The following LIPG variants were observed in gnomAD, a reference collection of about 807,000 sequenced individuals.
The protein encoded by LIPG is endothelial lipase.
Under a neutral mutation model 51.8 loss-of-function variants are expected in LIPG, and 34 were observed. The observed-to-expected ratio is 0.66, with a 90% CI of 0.50 to 0.87. The LOEUF (loss-of-function observed/expected upper bound fraction) is 0.87, where lower values mean the gene tolerates loss of function less well. Ranked by LOEUF, LIPG falls within the 40% of genes least tolerant of loss-of-function variation. The probability of loss-of-function intolerance (pLI) is 0.00; values close to 1 mark genes in which losing one functional copy is unlikely to be tolerated. For missense variants in LIPG, 580 were observed against 652.7 expected (o/e 0.89, Z 1.21); for synonymous variants, 246 against 246.1 (o/e 1.00, Z 0.00).
Position 49,581,469 on chromosome 18 carries a change from A to C in LIPG, c.848A>C (p.Asp283Ala), listed in dbSNP as rs1568534352. The C allele has an allele frequency of 6.2e-7, 1 of 1,613,956 alleles. No individual in the cohort carries two copies. The highest frequency in any genetic ancestry group is 8.5e-7 in the Non-Finnish European group (1 of 1,179,990). ...GAGCGAGCCGTCCACCTCTTTGTTG[A>C]CTCTCTGGTGAATCAGGACAAGCCG... ...EHERAVHLFV[D>A]SLVNQDKPSF... Residue 283 changes from aspartate to alanine, a missense_variant, in exon 6 of 10, where the codon GAC becomes GCC. Coordinates refer to ENST00000261292, the MANE Select transcript of LIPG (RefSeq NM_006033.4).
chr18:49,576,863 C>T (rs1448295525), intron 5 of LIPG, among the ~76,000 whole-genome samples: 3 of 152,202 alleles, frequency 2.0e-5, no homozygotes, highest in African/African-American at 7.2e-5. Flanking sequence ...CCCCCTGCCT[C>T]AGCCTCCCAA....
At chr18:49,572,758 C>T (rs955203799) in intron 4 of LIPG, among the ~76,000 whole-genome samples, 3 of 149,674 alleles carry the variant, frequency 2.0e-5, no homozygotes, top group African/African-American at 4.9e-5. Context: ...AAAAAGTAGC[C>T]GTTGAACTAC....
intron 5 of LIPG, among the ~76,000 whole-genome samples, chr18:49,576,603 T>A (rs1177861395): frequency 6.6e-6 from 1 of 151,838 alleles, no homozygotes; most frequent in African/African-American, 2.4e-5. Context: ...TAGCTGGGAT[T>A]ACAGGCCCCC....
chr18:49,583,514 C>T (rs552138141), intron 7 of LIPG, 42 bp from the exon 8 acceptor site: 3 of 1,571,364 alleles, frequency 1.9e-6, no homozygotes, highest in East Asian at 4.5e-5. Context: ...GGCAGTTTTC[C>T]AGCTGTTAGG....
At chr18:49,585,642 G>A (rs2084872694) in intron 8 of LIPG, among the ~76,000 whole-genome samples, 1 of 152,150 alleles carries the variant, frequency 6.6e-6, no homozygotes, top group Non-Finnish European at 1.5e-5. Flanking sequence ...CATTTTCCTT[G>A]TGCACATGTG....
chr18:49,575,314 C>A, intron 4 of LIPG, 55 bp from the exon 5 acceptor site: 1 of 1,422,870 alleles, frequency 7.0e-7, no homozygotes, highest in Non-Finnish European at 9.9e-7. Context: ...AATCAGGACT[C>A]ACTGACCAGG....
chr18:49,569,581 T>A, intron 4 of LIPG, 33 bp downstream of exon 4: 1 of 1,528,366 alleles, frequency 6.5e-7, no homozygotes. Context: ...AAGGGCTCCC[T>A]CAGCTGCGCT....
At chr18:49,574,465 C>G (rs1240823772) in intron 4 of LIPG, among the ~76,000 whole-genome samples, 1 of 152,146 alleles carries the variant, frequency 6.6e-6, no homozygotes. Context: ...TGCAAGTTCT[C>G]TTTTGGAATG....
chr18:49,568,733 G>A (rs966338507), intron 3 of LIPG, among the ~76,000 whole-genome samples: 7 of 152,148 alleles, frequency 4.6e-5, no homozygotes, highest in Admixed American at 1.3e-4. Context: ...ATTTAGCTGG[G>A]AGAAGGCAGG....
intron 9 of LIPG, among the ~76,000 whole-genome samples, chr18:49,589,010 G>A (rs370760741): frequency 2.9e-4 from 44 of 152,264 alleles, no homozygotes; most frequent in African/African-American, 1.0e-3. Flanking sequence ...TCAGGGAGAT[G>A]AAGTTTCTCT....
At chr18:49,570,725 A>AG (rs981476811) in intron 4 of LIPG, among the ~76,000 whole-genome samples, 1 of 152,162 alleles carries the variant, frequency 6.6e-6, no homozygotes, top group African/African-American at 2.4e-5. Flanking sequence ...GCTACTTGGG[A>AG]GGCTGAGGCA....
intron 4 of LIPG, among the ~76,000 whole-genome samples, chr18:49,572,892 G>A (rs912720596): frequency 3.3e-5 from 5 of 152,182 alleles, no homozygotes; most frequent in African/African-American, 1.2e-4. Context: ...TGGAAGAAGC[G>A]GCGGAGGTTC....
At chr18:49,570,697 C>T (rs1392264803) in intron 4 of LIPG, among the ~76,000 whole-genome samples, 12 of 152,090 alleles carry the variant, frequency 7.9e-5, no homozygotes, top group Non-Finnish European at 1.5e-4. Context: ...GCTGTGGTGG[C>T]GGGTGCCTGT....
intron 9 of LIPG, among the ~76,000 whole-genome samples, chr18:49,588,029 A>T (rs2084902003): frequency 6.6e-6 from 1 of 152,082 alleles, no homozygotes; most frequent in Non-Finnish European, 1.5e-5. Context: ...GGCTCAAGTG[A>T]TCCGCCTGCC....
At chr18:49,575,314 C>T (rs1341842755) in intron 4 of LIPG, 55 bp from the exon 5 acceptor site, 2 of 1,422,752 alleles carry the variant, frequency 1.4e-6, no homozygotes, top group African/African-American at 1.4e-5. Context: ...AATCAGGACT[C>T]ACTGACCAGG....
chr18:49,575,049 G>A (rs917213285), intron 4 of LIPG, among the ~76,000 whole-genome samples: 1 of 152,216 alleles, frequency 6.6e-6, no homozygotes, highest in African/African-American at 2.4e-5. Context: ...AGTTTTAACA[G>A]GAGCAGTTCC....
intron 9 of LIPG, 21 bp downstream of exon 9, chr18:49,586,871 C>A: frequency 6.4e-7 from 1 of 1,553,614 alleles, no homozygotes; most frequent in Non-Finnish European, 8.9e-7. Context: ...CTTTCTCACA[C>A]GTTCCACCCA....
rs1261612635 is a variant in LIPG, at chr18:49,590,956, G to C, written c.*434G>C. 1.0e-5 allele frequency: 3 copies of C among 287,404 alleles called. No homozygotes were observed. Among genetic ancestry groups the C allele is most frequent in the South Asian group, 3.9e-5 (1 of 25,880 alleles). The allele number at this position is 287,404 out of a possible 1,614,324, so 17.8% of individuals were successfully genotyped here. On this transcript the variant is annotated 3_prime_UTR_variant, in exon 10 of 10. Transcript: ENST00000261292. The stretch of plus-strand genomic sequence containing the variant: ...CCTCAGTGAGAAGTCCTTCCGACAG[G>C]AGCTGACTCATGTCAGGATGGCAGG...
At chr18:49,561,668 C>G (rs566946696), upstream of LIPG, 1 of 1,239,318 alleles carries the variant, frequency 8.1e-7, no homozygotes, top group Admixed American at 3.9e-5. Context: ...GAGAGTGTGG[C>G]TTTGAGCCTT....
Sources: allele counts gnomAD v4.1 joint callset (sites outside exome capture counted in the v4.1 genomes callset), GRCh38; gene constraint gnomAD v4.1.1; transcripts MANE v1.5; gene names NCBI Gene and HGNC (gene_info 2026-07-23, HGNC 2026-07-21).